HNRNPLL: variants seen among roughly 807,000 people sequenced by gnomAD.
HNRNPLL encodes the protein heterogeneous nuclear ribonucleoprotein L like, also known as heterogeneous nuclear ribonucleoprotein L-like.
A neutral mutation model predicts 67.1 loss-of-function variants in HNRNPLL; 25 were observed. That is an observed-to-expected ratio of 0.37 (90% CI 0.27 to 0.52). The LOEUF (loss-of-function observed/expected upper bound fraction) is 0.52, where lower values mean the gene tolerates loss of function less well. Among genes scored for constraint, HNRNPLL ranks in the 20% least tolerant of loss-of-function variants. HNRNPLL has a pLI of 0.90. For missense variants in HNRNPLL, 542 were observed against 673.9 expected, an observed-to-expected ratio of 0.80 and a Z score of 2.17; for synonymous variants, 267 against 241.7, an observed-to-expected ratio of 1.10 and a Z score of -0.97.
rs78496376 is a variant in HNRNPLL at position 38,590,844 on chromosome 2, A to T, written c.308+686T>A. 4.9e-4 allele frequency among the ~76,000 whole-genome samples: 74 copies of T among 152,206 alleles called. 4 individuals are homozygous for T. In the East Asian group the frequency reaches 0.014, roughly 28 times the overall value. On this transcript the variant is annotated intron_variant, in intron 2 of 12. Coordinates refer to ENST00000449105, the MANE Select transcript of HNRNPLL (RefSeq NM_138394.4). The stretch of plus-strand genomic sequence containing the variant: ...TAAGAGACCCCTCATCTCTACAAAA[A>T]ATTTTTTTAAATTACCCGGGCATAG...
chr2:38,591,409 A>G, intron 2 of HNRNPLL, 121 bp downstream of exon 2: 3 of 689,030 alleles, frequency 4.4e-6, no homozygotes, highest in Non-Finnish European at 2.6e-6. Context: ...CAAACAATAG[A>G]TACTACTTTG....
Position 38,564,191 on chromosome 2 carries a change from G to A in HNRNPLL, c.1620C>T (p.Ser540=). Residue 540 remains serine (S), a synonymous_variant, in exon 13 of 13, where the codon TCC becomes TCT. Transcript: ENST00000449105. The part of the protein sequence containing the change: ...YTLKLCFSTS[S]HL ...ACATGCTCTTCTCTTCTTATAAATG[G>A]GATGATGTAGAAAAGCAAAGCTTCA... 1 of 1,544,136 alleles carries A rather than the reference G, an allele frequency of 6.5e-7. No individual in the cohort carries two copies. The highest frequency in any genetic ancestry group is 1.1e-5 in the South Asian group (1 of 89,400).
At chr2:38,582,228 C>G in intron 4 of HNRNPLL, 60 bp from the exon 5 acceptor site, 1 of 1,064,178 alleles carries the variant, frequency 9.4e-7, no homozygotes, top group Non-Finnish European at 1.5e-6. Context: ...TATTCACTCC[C>G]AAAGGACAGG....
rs1330620486 is a variant in HNRNPLL, at chr2:38,563,420, C to G, written c.*762G>C. On this transcript the variant is annotated 3_prime_UTR_variant, in exon 13 of 13. Coordinates refer to ENST00000449105, the MANE Select transcript of HNRNPLL (RefSeq NM_138394.4). ...CCCAGATTATTATCTATAAGAGGAACTGTTAATTATAACCTCTATTAAAAT... is the reference window on the plus strand; with the variant it reads ...CCCAGATTATTATCTATAAGAGGAAGTGTTAATTATAACCTCTATTAAAAT... 1 of 152,102 alleles carries G rather than the reference C, an allele frequency of 6.6e-6. No individual in the cohort carries two copies. The highest frequency in any genetic ancestry group is 2.4e-5 in the African/African-American group (1 of 41,446). The allele number at this position is 152,102 out of a possible 1,614,324, so 9.4% of individuals were successfully genotyped here. A position where few individuals can be genotyped will look rare whatever the true frequency, so the allele number is the denominator to read the frequency against.
At chr2:38,581,738 G>A in intron 6 of HNRNPLL, 175 bp downstream of exon 6, 1 of 623,730 alleles carries the variant, frequency 1.6e-6, no homozygotes, top group Non-Finnish European at 2.8e-6. Flanking sequence ...CATACCAGTA[G>A]GGGGCACTAA....
intron 1 of HNRNPLL, among the ~76,000 whole-genome samples, chr2:38,594,588 A>G (rs1251570657): frequency 6.6e-6 from 1 of 152,368 alleles, no homozygotes; most frequent in South Asian, 2.1e-4. Context: ...AACATTTTAT[A>G]TAATAAAAAG....
intron 8 of HNRNPLL, 72 bp from the exon 9 acceptor site, chr2:38,569,997 T>A: frequency 9.4e-7 from 1 of 1,068,056 alleles, no homozygotes; most frequent in East Asian, 2.5e-5. Flanking sequence ...TAAAACACAA[T>A]ACGACCTAAG....
At chr2:38,591,712 A>C in intron 1 of HNRNPLL, 64 bp from the exon 2 acceptor site, 4 of 1,017,596 alleles carry the variant, frequency 3.9e-6, no homozygotes, top group Non-Finnish European at 6.1e-6. Context: ...GCGGTGGCTC[A>C]CGCCTGTAAT....
chr2:38,600,026 T>TTCCCCG, intron 1 of HNRNPLL: 1 of 403,920 alleles, frequency 2.5e-6, no homozygotes, highest in Non-Finnish European at 5.1e-6. Context: ...CACAAGACAG[T>TTCCCCG]AAACTTCTAT....
intron 8 of HNRNPLL, among the ~76,000 whole-genome samples, chr2:38,570,877 T>C (rs1035914050): frequency 1.4e-5 from 2 of 147,966 alleles, no homozygotes; most frequent in African/African-American, 5.1e-5. Context: ...ACCCCATCTC[T>C]ACAAAAAAAA....
chr2:38,585,706 GATC>G lies in HNRNPLL; in HGVS notation c.481_483del (p.Asp161del). 1.9e-6 allele frequency: 3 copies of G among 1,613,750 alleles called. No homozygotes were observed. Among genetic ancestry groups the G allele is most frequent in the Non-Finnish European group, 2.5e-6 (3 of 1,179,672 alleles). On this transcript the variant is annotated inframe_deletion, in exon 3 of 13. Coordinates refer to ENST00000449105, the MANE Select transcript of HNRNPLL (RefSeq NM_138394.4). Reference sequence around the variant, plus strand: ...AGAAGAACTTTGTTGCCTCCTGATGGATCATCAGTATTTCCTGGCCGAGTGATC... The same window carrying G: ...AGAAGAACTTTGTTGCCTCCTGATGGATCAGTATTTCCTGGCCGAGTGATC...
At chr2:38,576,120 G>A (rs1198767867) in intron 7 of HNRNPLL, among the ~76,000 whole-genome samples, 2 of 151,754 alleles carry the variant, frequency 1.3e-5, no homozygotes, top group South Asian at 4.1e-4. Context: ...ATAAAGGAAG[G>A]CAGACTTACA....
intron 12 of HNRNPLL, among the ~76,000 whole-genome samples, chr2:38,567,394 G>A (rs1163800714): frequency 6.6e-6 from 1 of 152,110 alleles, no homozygotes; most frequent in Non-Finnish European, 1.5e-5. Flanking sequence ...GGGATTACAG[G>A]CGTGAGTCAC....
intron 12 of HNRNPLL, among the ~76,000 whole-genome samples, chr2:38,566,377 A>C (rs1223538122): frequency 7.7e-6 from 1 of 130,452 alleles, no homozygotes; most frequent in Non-Finnish European, 1.6e-5. Context: ...AAAAAAAAAA[A>C]ACCAAAAAAA....
In HNRNPLL at chr2:38,602,613, G is replaced by T. The variant is rs935944336; in HGVS notation, c.14C>A (p.Ser5Tyr). 2 of 1,556,726 alleles carry T rather than the reference G, an allele frequency of 1.3e-6. No homozygotes were observed. The highest frequency in any genetic ancestry group is 1.4e-5 in the African/African-American group (1 of 71,870). The change falls in exon 1 of 13, where the codon TCT becomes TAT. Residue 5 changes from serine to tyrosine, a missense_variant. Transcript: ENST00000449105. ...CTCGTACGTCTCCCTGGGGGAGGAA[G>T]AGGAGGAGGACATGGCGGCGGCCGG... MSSS[S>Y]SSPRETYEED...
At chr2:38,593,934 G>A (rs1178384108) in intron 1 of HNRNPLL, among the ~76,000 whole-genome samples, 1 of 151,970 alleles carries the variant, frequency 6.6e-6, no homozygotes, top group Non-Finnish European at 1.5e-5. Flanking sequence ...CACCACTATG[G>A]GAGGCGAAGC....
At chr2:38,570,648 T>C (rs969913055) in intron 8 of HNRNPLL, among the ~76,000 whole-genome samples, 3 of 152,156 alleles carry the variant, frequency 2.0e-5, no homozygotes, top group African/African-American at 7.2e-5. Context: ...TCATTCAGCC[T>C]AATGCTTAGC....
chr2:38,595,419 T>G (rs1031453124), intron 1 of HNRNPLL, among the ~76,000 whole-genome samples: 1 of 152,002 alleles, frequency 6.6e-6, no homozygotes, highest in Non-Finnish European at 1.5e-5. Context: ...TTTTTCAAAT[T>G]GGTCTTCTTA....
chr2:38,596,434 G>GT lies in HNRNPLL; in HGVS notation c.190-4787dup, dbSNP rs199804158. ...CCACCACACCTGGCTGATTTTTGTG[G>GT]TTTAATAGAGACAGGGTTTCACCAT... On this transcript the variant is annotated intron_variant, in intron 1 of 12. Transcript: ENST00000449105. 6.5e-3 allele frequency among the ~76,000 whole-genome samples: 989 copies of GT among 152,030 alleles called. 12 individuals carry two copies. Among genetic ancestry groups the GT allele is most frequent in the African/African-American group, 0.021 (873 of 41,476 alleles).
Sources: gnomAD v4.1 joint callset for allele counts (sites outside exome capture counted in the v4.1 genomes callset) on GRCh38, gnomAD v4.1.1 for gene constraint, MANE v1.5 for transcripts, NCBI Gene and HGNC (gene_info 2026-07-23, HGNC 2026-07-21) for gene names.